GRIA1: variants seen among roughly 807,000 people sequenced by gnomAD.
The protein encoded by GRIA1 is glutamate ionotropic receptor AMPA type subunit 1.
Under a neutral mutation model 99.2 loss-of-function variants are expected in GRIA1, and 31 were observed. That is an observed-to-expected ratio of 0.31 (90% confidence interval 0.23 to 0.42). GRIA1 has a LOEUF of 0.42. GRIA1 is among the 10% of genes least tolerant of loss of function. GRIA1 has a pLI of 1.00. For synonymous variants in GRIA1, 438 were observed against 432.4 expected (o/e 1.01, Z -0.16); for missense variants, 782 against 1,157.5 (o/e 0.68, Z 4.71).
chr5:153,551,898 A>G (rs952703494), intron 2 of GRIA1, among the ~76,000 whole-genome samples: 4 of 152,116 alleles, frequency 2.6e-5, no homozygotes, highest in Non-Finnish European at 5.9e-5. Flanking sequence ...TTCCTTTTTC[A>G]AAGGGAAAAT....
At chr5:153,540,788 T>G (rs188200493) in intron 2 of GRIA1, among the ~76,000 whole-genome samples, 2 of 152,186 alleles carry the variant, frequency 1.3e-5, no homozygotes, top group East Asian at 1.9e-4. Context: ...AGGGGACATA[T>G]GAGACCCAAA....
intron 2 of GRIA1, among the ~76,000 whole-genome samples, chr5:153,514,201 G>A (rs917347270): frequency 2.0e-5 from 3 of 152,138 alleles, no homozygotes; most frequent in Admixed American, 6.5e-5. Flanking sequence ...GTTGTGATGC[G>A]TTTTTTACAA....
intron 2 of GRIA1, among the ~76,000 whole-genome samples, chr5:153,628,060 G>A (rs1474677332): frequency 6.6e-6 from 1 of 152,206 alleles, no homozygotes; most frequent in African/African-American, 2.4e-5. Context: ...TAGGTGTAGT[G>A]TGAAGGGAGG....
chr5:153,519,188 G>C (rs1053876881), intron 2 of GRIA1, among the ~76,000 whole-genome samples: 6 of 152,048 alleles, frequency 3.9e-5, no homozygotes, highest in African/African-American at 1.4e-4. Flanking sequence ...GCTGGAATCG[G>C]GAGGTGGCAG....
chr5:153,802,463 A>G lies in GRIA1; in HGVS notation c.2493A>G (p.Lys831=). ...TTGCCTTAATCGAGTTCTGCTACAA[A>G]TCCCGTAGTGAATCCAAGCGGATGA... ...MLVALIEFCY[K]SRSESKRMKG... is the part of the protein sequence containing the mutation. Residue 831 remains lysine, a synonymous_variant, in exon 15 of 16, where the codon AAA becomes AAG. Coordinates refer to ENST00000285900, the MANE Select transcript of GRIA1 (RefSeq NM_000827.4). 1 of 1,613,954 alleles carries G rather than the reference A, an allele frequency of 6.2e-7. No individual in the cohort carries two copies. The highest frequency in any genetic ancestry group is 2.2e-5 in the East Asian group (1 of 44,846).
chr5:153,721,399 T>G (rs950544525), intron 11 of GRIA1, among the ~76,000 whole-genome samples: 1 of 152,164 alleles, frequency 6.6e-6, no homozygotes, highest in Non-Finnish European at 1.5e-5. Context: ...AGACACGAAT[T>G]ATAAATATAC....
At chr5:153,770,544 T>C (rs1763809966) in intron 13 of GRIA1, 129 bp downstream of exon 13, 2 of 860,304 alleles carry the variant, frequency 2.3e-6, no homozygotes, top group African/African-American at 1.7e-5. Flanking sequence ...CTTCAACACC[T>C]ATGGGCCTGA....
intron 2 of GRIA1, among the ~76,000 whole-genome samples, chr5:153,641,391 C>A (rs1329457004): frequency 6.6e-6 from 1 of 152,078 alleles, no homozygotes; most frequent in East Asian, 1.9e-4. Context: ...GTGGATGGTG[C>A]CCTAACCAGG....
chr5:153,625,254 G>C lies in GRIA1; in HGVS notation c.221-21674G>C, dbSNP rs528058392. Reference sequence around the variant, plus strand: ...AGGAATGCTGGTTGTGAGGAGATTTGATTTCTACTCCTACTTCTGCCATTA... The same window carrying C: ...AGGAATGCTGGTTGTGAGGAGATTTCATTTCTACTCCTACTTCTGCCATTA... On this transcript the variant is annotated intron_variant, in intron 2 of 15. Transcript: ENST00000285900. Among the ~76,000 whole-genome samples the C allele has an allele frequency of 5.9e-5, 9 of 152,274 alleles. 1 individual carries two copies. The South Asian group carries it at 1.9e-3, about 32-fold the overall frequency.
chr5:153,579,710 G>A (rs760230823), intron 2 of GRIA1, among the ~76,000 whole-genome samples: 2 of 152,282 alleles, frequency 1.3e-5, no homozygotes, highest in South Asian at 2.1e-4. Flanking sequence ...TGCAGAGGTA[G>A]AGTAGGAGTA....
At chr5:153,664,387 TA>T (rs1755593670) in intron 5 of GRIA1, among the ~76,000 whole-genome samples, 1 of 152,162 alleles carries the variant, frequency 6.6e-6, no homozygotes, top group Non-Finnish European at 1.5e-5. Flanking sequence ...GATTTGAATC[TA>T]GGCTGACATG....
At chr5:153,652,426 C>CTT in intron 4 of GRIA1, among the ~76,000 whole-genome samples, 1 of 152,122 alleles carries the variant, frequency 6.6e-6, no homozygotes, top group East Asian at 1.9e-4. Flanking sequence ...TGTAAAACAG[C>CTT]TTTTTTCAAT....
chr5:153,591,411 G>A (rs192430325), intron 2 of GRIA1, among the ~76,000 whole-genome samples: 2 of 152,292 alleles, frequency 1.3e-5, no homozygotes, highest in Non-Finnish European at 2.9e-5. Flanking sequence ...AGTATCGCAC[G>A]AAAACCCTGA....
At chr5:153,608,589 G>C (rs571828934) in intron 2 of GRIA1, among the ~76,000 whole-genome samples, 1 of 152,018 alleles carries the variant, frequency 6.6e-6, no homozygotes, top group Admixed American at 6.6e-5. Flanking sequence ...AAAATTTTTC[G>C]TGGTTCTTTC....
chr5:153,667,681 C>T (rs928786141), intron 5 of GRIA1, among the ~76,000 whole-genome samples: 3 of 152,182 alleles, frequency 2.0e-5, no homozygotes, highest in Non-Finnish European at 4.4e-5. Context: ...AACTGAGCCT[C>T]AGAGAGGTTA....
chr5:153,690,762 T>A (rs1464914075), intron 8 of GRIA1, among the ~76,000 whole-genome samples: 1 of 152,310 alleles, frequency 6.6e-6, no homozygotes, highest in Non-Finnish European at 1.5e-5. Flanking sequence ...GGGCTGTTTT[T>A]AAACTTACCT....
At chr5:153,707,834 C>T (rs1035497676) in intron 11 of GRIA1, among the ~76,000 whole-genome samples, 6 of 151,534 alleles carry the variant, frequency 4.0e-5, no homozygotes, top group Non-Finnish European at 7.4e-5. Context: ...GTGGGGGGCG[C>T]GTGGGAGAGG....
intron 2 of GRIA1, among the ~76,000 whole-genome samples, chr5:153,521,225 G>C (rs1253732021): frequency 6.6e-6 from 1 of 152,258 alleles, no homozygotes; most frequent in African/African-American, 2.4e-5. Context: ...CTATGCAGCA[G>C]ACCCTGGACA....
chr5:153,794,153 G>A (rs2149659652), intron 13 of GRIA1, among the ~76,000 whole-genome samples: 1 of 152,232 alleles, frequency 6.6e-6, no homozygotes, highest in East Asian at 1.9e-4. Flanking sequence ...CTACTGTGAT[G>A]TGAGAAACAC....
Sources: allele counts gnomAD v4.1 joint callset (sites outside exome capture counted in the v4.1 genomes callset), GRCh38; gene constraint gnomAD v4.1.1; transcripts MANE v1.5; gene names NCBI Gene and HGNC (gene_info 2026-07-23, HGNC 2026-07-21).